Variants in STPG2 observed in about 807,000 individuals in gnomAD.
STPG2 encodes sperm tail PG-rich repeat containing 2, also known as sperm-tail PG-rich repeat-containing protein 2.
In STPG2, 56 loss-of-function variants were observed where a neutral mutation model predicts 54.2. The ratio of observed to expected loss-of-function variants is 1.03; its 90% CI spans 0.83 to 1.29. The LOEUF (loss-of-function observed/expected upper bound fraction) is 1.29. STPG2 is among the 50% of genes most tolerant of loss of function. The pLI is 0.00. For synonymous variants in STPG2, 200 were observed against 181.8 expected (o/e 1.10, Z -0.81); for missense variants, 596 against 544.9 (o/e 1.09, Z -0.93).
chr4:97,607,634 T>C (rs1008053146), intron 10 of STPG2, among the ~76,000 whole-genome samples: 5 of 152,052 alleles, frequency 3.3e-5, no homozygotes, highest in Admixed American at 6.6e-5. Flanking sequence ...GATGCCTAGA[T>C]AGGATATTGG....
chr4:97,972,502 T>G (rs1734366229), intron 6 of STPG2, 62 bp from the exon 7 acceptor site: 1 of 988,278 alleles, frequency 1.0e-6, no homozygotes, highest in Non-Finnish European at 1.4e-6. Context: ...CCTTTTGAAC[T>G]GAGTAATTTT....
At chr4:98,037,199 A>G (rs970768645) in intron 5 of STPG2, among the ~76,000 whole-genome samples, 3 of 152,082 alleles carry the variant, frequency 2.0e-5, no homozygotes, top group African/African-American at 7.2e-5. Context: ...TACCAAAACC[A>G]AAAATGGAGA....
At chr4:97,816,796 C>G (rs1017945653) in intron 9 of STPG2, among the ~76,000 whole-genome samples, 1 of 150,026 alleles carries the variant, frequency 6.7e-6, no homozygotes, top group African/African-American at 2.4e-5. Flanking sequence ...CTCTTTCTGT[C>G]TCTCTCTCTT....
At chr4:97,479,134 G>T (rs1730154812) in intron 4 of STPG2, among the ~76,000 whole-genome samples, 2 of 151,634 alleles carry the variant, frequency 1.3e-5, no homozygotes, top group Admixed American at 6.6e-5. Context: ...GGTTATGCAT[G>T]TGTATACACA....
At chr4:97,702,312 C>T (rs937541084) in intron 10 of STPG2, among the ~76,000 whole-genome samples, 3 of 152,186 alleles carry the variant, frequency 2.0e-5, no homozygotes, top group South Asian at 2.1e-4. Flanking sequence ...CTTGATCCAA[C>T]TCTATGTTCC....
At chr4:97,890,917 A>G (rs1426416246) in intron 8 of STPG2, among the ~76,000 whole-genome samples, 4 of 151,970 alleles carry the variant, frequency 2.6e-5, no homozygotes, top group African/African-American at 4.8e-5. Flanking sequence ...AAACAAAATA[A>G]TCAAAATTCA....
intron 5 of STPG2, among the ~76,000 whole-genome samples, chr4:98,104,242 C>T (rs1739127139): frequency 6.6e-6 from 1 of 152,052 alleles, no homozygotes; most frequent in Non-Finnish European, 1.5e-5. Context: ...ATTTTATAAG[C>T]CAAAAAATTT....
intron 10 of STPG2, among the ~76,000 whole-genome samples, chr4:97,697,759 C>A (rs967222722): frequency 6.6e-6 from 1 of 152,222 alleles, no homozygotes; most frequent in African/African-American, 2.4e-5. Flanking sequence ...GGGCAAGTAA[C>A]ACCTGGCCCA....
At chr4:97,674,566 T>C (rs1429528988) in intron 10 of STPG2, among the ~76,000 whole-genome samples, 1 of 152,202 alleles carries the variant, frequency 6.6e-6, no homozygotes, top group African/African-American at 2.4e-5. Flanking sequence ...AAGATGGTGC[T>C]GAATCCTCTA....
intron 4 of STPG2, among the ~76,000 whole-genome samples, chr4:97,493,643 G>A (rs1730548575): frequency 6.6e-6 from 1 of 151,466 alleles, no homozygotes; most frequent in Non-Finnish European, 1.5e-5. Flanking sequence ...ACTTAGTTCT[G>A]GCTAAGATTT....
At chr4:97,589,061 C>T (rs1201732061) in intron 10 of STPG2, among the ~76,000 whole-genome samples, 1 of 151,970 alleles carries the variant, frequency 6.6e-6, no homozygotes, top group African/African-American at 2.4e-5. Context: ...AGAGTGCCTA[C>T]TCTTAAGTAA....
intron 9 of STPG2, among the ~76,000 whole-genome samples, chr4:97,747,452 A>G (rs1383478899): frequency 2.0e-5 from 3 of 151,366 alleles, no homozygotes; most frequent in Non-Finnish European, 3.0e-5. Flanking sequence ...AAGACATACA[A>G]TTTAATTTCT....
chr4:98,106,680 CA>C (rs2110141482), intron 4 of STPG2, among the ~76,000 whole-genome samples: 1 of 152,186 alleles, frequency 6.6e-6, no homozygotes, highest in East Asian at 1.9e-4. Flanking sequence ...ATTCATCACC[CA>C]ATGAATCTGG....
At chr4:97,616,669 A>G (rs1733881142) in intron 10 of STPG2, among the ~76,000 whole-genome samples, 1 of 152,158 alleles carries the variant, frequency 6.6e-6, no homozygotes, top group South Asian at 2.1e-4. Context: ...TGTCAAAAAC[A>G]TCACTAGTGA....
intron 4 of STPG2, among the ~76,000 whole-genome samples, chr4:97,502,626 A>C (rs1162899469): frequency 6.6e-6 from 1 of 152,078 alleles, no homozygotes; most frequent in South Asian, 2.1e-4. Context: ...TGAAATAGCC[A>C]TACTTAGTAA....
chr4:97,442,462 TC>T (rs1385480939), intron 4 of STPG2, among the ~76,000 whole-genome samples: 5 of 152,098 alleles, frequency 3.3e-5, no homozygotes, highest in Non-Finnish European at 7.4e-5. Flanking sequence ...GTAGGGAGAC[TC>T]CAAATGATAT....
At chr4:97,904,851 G>A (rs1174005593) in intron 8 of STPG2, among the ~76,000 whole-genome samples, 4 of 152,166 alleles carry the variant, frequency 2.6e-5, no homozygotes, top group African/African-American at 7.2e-5. Flanking sequence ...GGAAGAAAGG[G>A]TATCAGCGAT....
chr4:97,680,551 G>A (rs1034491446), intron 10 of STPG2, among the ~76,000 whole-genome samples: 1 of 151,962 alleles, frequency 6.6e-6, no homozygotes, highest in African/African-American at 2.4e-5. Flanking sequence ...GGGTTTTCTA[G>A]ATATACAATC....
intron 8 of STPG2, among the ~76,000 whole-genome samples, chr4:97,857,421 T>A (rs1578627696): frequency 1.3e-5 from 2 of 152,312 alleles, no homozygotes; most frequent in East Asian, 3.9e-4. Flanking sequence ...TAATTATTTC[T>A]TCTAGAATTT....
Sources: gnomAD v4.1 joint callset for allele counts (sites outside exome capture counted in the v4.1 genomes callset) on GRCh38, gnomAD v4.1.1 for gene constraint, MANE v1.5 for transcripts, NCBI Gene and HGNC (gene_info 2026-07-23, HGNC 2026-07-21) for gene names.